The following CRB1 variants were observed in gnomAD, a reference collection of about 807,000 sequenced individuals.
CRB1 encodes protein crumbs homolog 1.
In CRB1, 83 loss-of-function variants were observed where a neutral mutation model predicts 120.0. That is an observed-to-expected ratio of 0.69 (90% confidence interval 0.58 to 0.83). The LOEUF (loss-of-function observed/expected upper bound fraction) is 0.83. Among genes scored for constraint, CRB1 ranks in the 40% least tolerant of loss-of-function variants. The pLI, the probability that CRB1 is intolerant of heterozygous loss-of-function variation, is 0.00. For missense variants in CRB1, 1,699 were observed against 1,687.6 expected (o/e 1.01, Z -0.12); for synonymous variants, 625 against 612.5 (o/e 1.02, Z -0.30).
chr1:197,275,022 G>A (rs925324457), intron 1 of CRB1, among the ~76,000 whole-genome samples: 1 of 151,970 alleles, frequency 6.6e-6, no homozygotes. Context: ...ATCCTTACCT[G>A]CCTTTTCCTG....
chr1:197,334,977 A>C lies in CRB1; in HGVS notation c.652+5974A>C, dbSNP rs376569923. 2.6e-5 allele frequency among the ~76,000 whole-genome samples: 4 copies of C among 152,314 alleles called. No individual in the cohort carries two copies. The East Asian group carries it at 7.7e-4, about 29-fold the overall frequency. ...GCATGGAGAAAAGTAAAACAAAATA[A>C]TGGTATTAGGGATTAACTTTAGGTA... is the stretch of plus-strand genomic sequence containing the variant. On this transcript the variant is annotated intron_variant, in intron 2 of 11. Transcript: ENST00000367400.
chr1:197,208,414 T>C, the CRB1 span, among the ~76,000 whole-genome samples: 1 of 152,204 alleles, frequency 6.6e-6, no homozygotes, highest in Admixed American at 6.5e-5. Flanking sequence ...CATGGAGTGC[T>C]CCCTTATTGT....
At chr1:197,224,167 C>T in the CRB1 span, among the ~76,000 whole-genome samples, 1 of 151,910 alleles carries the variant, frequency 6.6e-6, no homozygotes, top group East Asian at 1.9e-4. Flanking sequence ...TTGTACTTAG[C>T]CAATATTTAA....
the CRB1 span, among the ~76,000 whole-genome samples, chr1:197,256,704 C>T: frequency 6.6e-6 from 1 of 151,764 alleles, no homozygotes; most frequent in African/African-American, 2.4e-5. Flanking sequence ...CTTTATTCTA[C>T]TTCTCTCTAG....
the CRB1 span, among the ~76,000 whole-genome samples, chr1:197,245,354 G>A: frequency 6.6e-6 from 1 of 151,870 alleles, no homozygotes; most frequent in Non-Finnish European, 1.5e-5. Context: ...TTTGTTAGCT[G>A]GGCACAATGG....
intron 1 of CRB1, among the ~76,000 whole-genome samples, chr1:197,270,157 A>G (rs945705379): frequency 2.7e-4 from 41 of 152,194 alleles, no homozygotes; most frequent in African/African-American, 3.9e-4. Context: ...TTCTTGACAC[A>G]AATTCTGTGT....
At chr1:197,379,204 A>C (rs947410054) in intron 5 of CRB1, among the ~76,000 whole-genome samples, 2 of 152,250 alleles carry the variant, frequency 1.3e-5, no homozygotes, top group African/African-American at 4.8e-5. Context: ...TAATGGTAAC[A>C]TCAAGGCAAT....
rs760544654 is a variant in CRB1 at position 197,442,278 on chromosome 1, C to T, written c.3991C>T (p.Arg1331Cys). 4.3e-6 allele frequency: 7 copies of T among 1,614,144 alleles called. No homozygotes were observed. Among genetic ancestry groups the T allele is most frequent in the Admixed American group, 3.3e-5 (2 of 60,012 alleles). The change falls in exon 11 of 12, where the codon CGC becomes TGC. Residue 1331 changes from arginine (R) to cysteine (C), a missense_variant. Transcript: ENST00000367400. ...CLCDVAFAGE[R>C]CEVDLADDLI... Reference sequence around the variant, plus strand: ...CTGTGATGTTGCCTTTGCTGGCGAGCGCTGCGAGGTGGACGTAAGCAGCCT... The same window carrying T: ...CTGTGATGTTGCCTTTGCTGGCGAGTGCTGCGAGGTGGACGTAAGCAGCCT...
chr1:197,363,258 G>T (rs1354281618), intron 5 of CRB1, among the ~76,000 whole-genome samples: 1 of 151,412 alleles, frequency 6.6e-6, no homozygotes, highest in African/African-American at 2.4e-5. Context: ...ATACTCCATT[G>T]TGTTTACTTA....
At chr1:197,415,058 A>G (rs1663905406) in intron 5 of CRB1, among the ~76,000 whole-genome samples, 1 of 152,220 alleles carries the variant, frequency 6.6e-6, no homozygotes, top group Non-Finnish European at 1.5e-5. Context: ...ATATTTAAAG[A>G]AACACATAAT....
At chr1:197,276,985 C>T (rs899663949) in intron 1 of CRB1, among the ~76,000 whole-genome samples, 1 of 151,856 alleles carries the variant, frequency 6.6e-6, no homozygotes, top group African/African-American at 2.4e-5. Flanking sequence ...AAAAGATAAA[C>T]ATTGAGGAAT....
the CRB1 span, among the ~76,000 whole-genome samples, chr1:197,228,554 A>G: frequency 7.2e-3 from 1,100 of 152,220 alleles, 15 homozygotes; most frequent in African/African-American, 0.023. Context: ...GTCCAATATT[A>G]CTATCAGCAT....
At chr1:197,277,042 G>T (rs1655247207) in intron 1 of CRB1, among the ~76,000 whole-genome samples, 1 of 152,030 alleles carries the variant, frequency 6.6e-6, no homozygotes, top group Non-Finnish European at 1.5e-5. Flanking sequence ...ATCAGCCACG[G>T]TGGAAGTAAT....
chr1:197,421,244 A>G lies in CRB1; in HGVS notation c.1416A>G (p.Pro472=). Residue 472 remains proline, a synonymous_variant, in exon 6 of 12, where the codon CCA becomes CCG. Coordinates refer to ENST00000367400, the MANE Select transcript of CRB1 (RefSeq NM_201253.3). ...AGCATGGATTCAGCTGCCTATGTCC[A>G]TCTGGCTACACCGGGTCCCTGTGTG... is the stretch of plus-strand genomic sequence containing the variant. ...DGQHGFSCLC[P]SGYTGSLCEI... 9.3e-6 allele frequency: 15 copies of G among 1,614,164 alleles called. No individual in the cohort carries two copies. Among genetic ancestry groups the G allele is most frequent in the Non-Finnish European group, 1.3e-5 (15 of 1,180,000 alleles).
chr1:197,389,517 C>T (rs1662387001), intron 5 of CRB1, among the ~76,000 whole-genome samples: 2 of 151,930 alleles, frequency 1.3e-5, no homozygotes, highest in Admixed American at 6.6e-5. Context: ...ATTAGAATGG[C>T]GACTGCCAGG....
intron 5 of CRB1, among the ~76,000 whole-genome samples, chr1:197,412,885 A>G (rs1007365428): frequency 5.9e-5 from 9 of 152,190 alleles, no homozygotes; most frequent in Admixed American, 4.6e-4. Context: ...CTGCCTTATT[A>G]CTGGTTTCCA....
intron 1 of CRB1, among the ~76,000 whole-genome samples, chr1:197,325,121 A>T (rs982309516): frequency 6.6e-6 from 1 of 152,206 alleles, no homozygotes; most frequent in Non-Finnish European, 1.5e-5. Flanking sequence ...TCATTATTCA[A>T]CAAATTTCTA....
chr1:197,421,127 T>C lies in CRB1; in HGVS notation c.1299T>C (p.Tyr433=), dbSNP rs1032057202. The C allele has an allele frequency of 6.8e-6, 11 of 1,614,112 alleles. No homozygotes were observed. Among genetic ancestry groups the C allele is most frequent in the Non-Finnish European group, 6.8e-6 (8 of 1,180,032 alleles). Residue 433 remains tyrosine (Y), a synonymous_variant, in exon 6 of 12, where the codon TAT becomes TAC. Transcript: ENST00000367400. ...CPFDNLSRTF[Y]GGRDCSDILL... is the part of the protein sequence containing the mutation. ...TTGATAACCTTTCTAGAACTTTTTA[T>C]GGAGGAAGGGACTGTTCTGATATTC...
chr1:197,248,989 CCT>C, the CRB1 span, among the ~76,000 whole-genome samples: 1 of 151,790 alleles, frequency 6.6e-6, no homozygotes, highest in Non-Finnish European at 1.5e-5. Context: ...TAACTCACCC[CCT>C]GTCTCTCAGC....
Sources: allele counts gnomAD v4.1 joint callset (sites outside exome capture counted in the v4.1 genomes callset), GRCh38; gene constraint gnomAD v4.1.1; transcripts MANE v1.5; gene names NCBI Gene and HGNC (gene_info 2026-07-23, HGNC 2026-07-21).